The following GRM5 variants were observed in gnomAD, a reference collection of about 807,000 sequenced individuals.
GRM5 encodes the protein glutamate metabotropic receptor 5, also known as metabotropic glutamate receptor 5.
GRM5 carries 19 observed loss-of-function variants against 83.1 expected under a neutral mutation model. The observed-to-expected ratio is 0.23, with a 90% confidence interval of 0.16 to 0.34. The LOEUF is 0.34. Among genes scored for constraint, GRM5 ranks in the 10% least tolerant of loss-of-function variants. The pLI, the probability that GRM5 is intolerant of heterozygous loss-of-function variation, is 1.00. For synonymous variants in GRM5, 675 were observed against 633.6 expected, an observed-to-expected ratio of 1.07 and a Z score of -0.98; for missense variants, 1,160 against 1,588.3, an observed-to-expected ratio of 0.73 and a Z score of 4.58.
chr11:89,006,195 T>G (rs1462122191), intron 2 of GRM5, among the ~76,000 whole-genome samples: 1 of 152,226 alleles, frequency 6.6e-6, no homozygotes, highest in Admixed American at 6.5e-5. Flanking sequence ...GGCCTGGCTA[T>G]GCCATATACT....
At chr11:88,600,282 C>G (rs1210925064) in intron 5 of GRM5, among the ~76,000 whole-genome samples, 1 of 147,900 alleles carries the variant, frequency 6.8e-6, no homozygotes, top group Non-Finnish European at 1.5e-5. Flanking sequence ...TGCTCCTTCT[C>G]CCTCTCCCCC....
chr11:88,963,640 C>T (rs1481700898), intron 2 of GRM5, among the ~76,000 whole-genome samples: 1 of 152,216 alleles, frequency 6.6e-6, no homozygotes, highest in Non-Finnish European at 1.5e-5. Context: ...TCAACCTCTT[C>T]TAGCTTTGGC....
intron 7 of GRM5, among the ~76,000 whole-genome samples, chr11:88,582,412 T>G (rs556816758): frequency 6.6e-6 from 1 of 152,114 alleles, no homozygotes; most frequent in Non-Finnish European, 1.5e-5. Context: ...TCATCAGAAC[T>G]TAGCACAGTG....
chr11:88,946,863 G>A (rs1256251832), intron 2 of GRM5, among the ~76,000 whole-genome samples: 2 of 152,030 alleles, frequency 1.3e-5, no homozygotes, highest in Non-Finnish European at 2.9e-5. Flanking sequence ...GAACAGGATG[G>A]CATTCACATT....
intron 3 of GRM5, among the ~76,000 whole-genome samples, chr11:88,679,733 G>A (rs1427440253): frequency 6.6e-6 from 1 of 152,160 alleles, no homozygotes; most frequent in Non-Finnish European, 1.5e-5. Flanking sequence ...TGAACAGCAT[G>A]TGTCATTATT....
chr11:88,703,228 C>T (rs761308338), intron 3 of GRM5, among the ~76,000 whole-genome samples: 1 of 152,016 alleles, frequency 6.6e-6, no homozygotes, highest in African/African-American at 2.4e-5. Flanking sequence ...TCTACACCTC[C>T]ATGGAATAAT....
At chr11:89,062,175 A>G (rs1942009153) in intron 1 of GRM5, among the ~76,000 whole-genome samples, 1 of 152,250 alleles carries the variant, frequency 6.6e-6, no homozygotes, top group African/African-American at 2.4e-5. Flanking sequence ...AAATAGCCAC[A>G]ATTGATTCTT....
chr11:89,037,282 A>G (rs1941413122), intron 2 of GRM5, among the ~76,000 whole-genome samples: 1 of 152,110 alleles, frequency 6.6e-6, no homozygotes, highest in South Asian at 2.1e-4. Flanking sequence ...GATATTAAAA[A>G]TTAAAATGCT....
intron 2 of GRM5, among the ~76,000 whole-genome samples, chr11:89,004,030 T>G (rs536460022): frequency 1.3e-5 from 2 of 152,220 alleles, no homozygotes; most frequent in Admixed American, 6.5e-5. Flanking sequence ...CATTGAAGGG[T>G]AGGCAAGATC....
At chr11:88,844,776 T>A (rs1944268884) in intron 3 of GRM5, among the ~76,000 whole-genome samples, 1 of 152,146 alleles carries the variant, frequency 6.6e-6, no homozygotes, top group South Asian at 2.1e-4. Context: ...GACTTTGAGA[T>A]GTTCCAATAC....
intron 8 of GRM5, among the ~76,000 whole-genome samples, chr11:88,551,930 C>T (rs1942519279): frequency 6.6e-6 from 1 of 152,098 alleles, no homozygotes; most frequent in Non-Finnish European, 1.5e-5. Flanking sequence ...GATATTTAGG[C>T]AAGCCTTCTT....
At chr11:88,512,381 A>G (rs192907347) in intron 9 of GRM5, 2 of 154,412 alleles carry the variant, frequency 1.3e-5, no homozygotes, top group African/African-American at 4.8e-5. Context: ...TTGAACATGA[A>G]AGCTTTTTTT....
intron 2 of GRM5, among the ~76,000 whole-genome samples, chr11:89,022,095 G>T (rs1037279755): frequency 1.3e-5 from 2 of 152,118 alleles, no homozygotes; most frequent in Non-Finnish European, 2.9e-5. Flanking sequence ...ATGGGGCCTG[G>T]TTTATAGCAG....
At chr11:89,034,685 G>T (rs1230354944) in intron 2 of GRM5, among the ~76,000 whole-genome samples, 4 of 151,510 alleles carry the variant, frequency 2.6e-5, no homozygotes, top group Non-Finnish European at 5.9e-5. Flanking sequence ...AGCTCTATTT[G>T]GTGTGCTTTC....
chr11:88,643,429 G>T (rs1200058405), intron 4 of GRM5, among the ~76,000 whole-genome samples: 1 of 152,132 alleles, frequency 6.6e-6, no homozygotes, highest in African/African-American at 2.4e-5. Flanking sequence ...CATGAGGTTT[G>T]AGCAGAAACA....
intron 2 of GRM5, among the ~76,000 whole-genome samples, chr11:89,020,288 A>T (rs1940950495): frequency 6.6e-6 from 1 of 152,234 alleles, no homozygotes. Flanking sequence ...ATCAAAAGAC[A>T]TTTTAGGCAA....
chr11:88,749,230 C>A (rs1041026461), intron 3 of GRM5, among the ~76,000 whole-genome samples: 10 of 152,034 alleles, frequency 6.6e-5, no homozygotes, highest in African/African-American at 2.2e-4. Flanking sequence ...GCCAGAATGG[C>A]CAGTTTAGAG....
At chr11:88,929,243 A>C in intron 2 of GRM5, among the ~76,000 whole-genome samples, 1 of 152,204 alleles carries the variant, frequency 6.6e-6, no homozygotes, top group Middle Eastern at 3.4e-3. Flanking sequence ...TTCTTCAATT[A>C]TCATTTAAAG....
At chr11:88,644,977 C>T (rs568762600) in intron 4 of GRM5, among the ~76,000 whole-genome samples, 1 of 152,116 alleles carries the variant, frequency 6.6e-6, no homozygotes, top group Admixed American at 6.5e-5. Flanking sequence ...TTAAGGTAAA[C>T]ACTTAGACAG....
Sources: allele counts gnomAD v4.1 joint callset (sites outside exome capture counted in the v4.1 genomes callset), GRCh38; gene constraint gnomAD v4.1.1; transcripts MANE v1.5; gene names NCBI Gene and HGNC (gene_info 2026-07-23, HGNC 2026-07-21).